The following KCNMA1 variants were observed in gnomAD, a reference collection of about 807,000 sequenced individuals.
KCNMA1 encodes potassium calcium-activated channel subfamily M alpha 1.
A neutral mutation model predicts 140.0 loss-of-function variants in KCNMA1; 29 were observed. That is an observed-to-expected ratio of 0.21 (90% confidence interval 0.15 to 0.28). KCNMA1 has a LOEUF of 0.28. KCNMA1 is among the 10% of genes least tolerant of loss of function. The pLI, the probability that KCNMA1 is intolerant of heterozygous loss-of-function variation, is 1.00. For missense variants in KCNMA1, 880 were observed against 1,602.2 expected (o/e 0.55, Z 7.70); for synonymous variants, 612 against 611.9 (o/e 1.00, Z 0.00).
chr10:77,577,826 G>T (rs1400477969), intron 1 of KCNMA1, among the ~76,000 whole-genome samples: 1 of 152,112 alleles, frequency 6.6e-6, no homozygotes, highest in East Asian at 1.9e-4. Flanking sequence ...GTTCACATTG[G>T]CTTTGGTGCC....
chr10:77,180,122 T>C (rs2098791405), intron 5 of KCNMA1, among the ~76,000 whole-genome samples: 1 of 152,230 alleles, frequency 6.6e-6, no homozygotes, highest in Non-Finnish European at 1.5e-5. Flanking sequence ...GGAAAGTTTG[T>C]GCAGGAGAAT....
intron 16 of KCNMA1, among the ~76,000 whole-genome samples, chr10:77,024,164 T>C (rs1023586319): frequency 3.9e-5 from 6 of 152,080 alleles, no homozygotes; most frequent in Non-Finnish European, 8.8e-5. Context: ...CATGCCTACA[T>C]CACAACATGC....
At chr10:77,127,821 A>T (rs1224452036) in intron 5 of KCNMA1, among the ~76,000 whole-genome samples, 1 of 152,006 alleles carries the variant, frequency 6.6e-6, no homozygotes, top group Non-Finnish European at 1.5e-5. Flanking sequence ...AAAAATACAA[A>T]AAATTAACCA....
intron 9 of KCNMA1, chr10:77,091,447 C>T (rs973769601): frequency 1.3e-5 from 2 of 152,232 alleles, no homozygotes; most frequent in African/African-American, 4.8e-5. Context: ...GTCATGGCCA[C>T]TTATATGTGC....
intron 14 of KCNMA1, among the ~76,000 whole-genome samples, chr10:77,067,174 C>T (rs2095986425): frequency 6.6e-6 from 1 of 152,098 alleles, no homozygotes; most frequent in Non-Finnish European, 1.5e-5. Flanking sequence ...GCAGATTGCT[C>T]CCCCAACAAC....
intron 1 of KCNMA1, among the ~76,000 whole-genome samples, chr10:77,575,466 C>T (rs1048935404): frequency 2.6e-5 from 4 of 152,292 alleles, no homozygotes; most frequent in East Asian, 1.9e-4. Context: ...TCCTCCAAAA[C>T]GGGAATCTTG....
rs2097409525 is a variant in KCNMA1 at position 77,114,675 on chromosome 10, TC to T, written c.885-2234del. Among the ~76,000 whole-genome samples, 3 of 152,338 alleles carry T rather than the reference TC, an allele frequency of 2.0e-5. No individual in the cohort carries two copies. In the South Asian group the frequency reaches 6.2e-4, roughly 32 times the overall value. On this transcript the variant is annotated intron_variant, in intron 6 of 27. Coordinates refer to ENST00000286628, the MANE Select transcript of KCNMA1 (RefSeq NM_001161352.2). The stretch of plus-strand genomic sequence containing the variant: ...CTACTGCTTCCTTAAAGTCGTTCCA[TC>T]CATCTGCAAGACAAAGTGACTTTCC...
In KCNMA1 at chr10:76,944,950, G is replaced by A. The variant is rs1228444398; in HGVS notation, c.2725C>T (p.Arg909Trp). The A allele has an allele frequency of 1.2e-6, 2 of 1,613,634 alleles. No individual in the cohort carries two copies. The highest frequency in any genetic ancestry group is 1.1e-5 in the South Asian group (1 of 91,042). Reference sequence around the variant, plus strand: ...ATGTTGACAGCCCTTAAATCAGCCCGACTTAATGGCGTACCCTTTGGCATA... The same window carrying A: ...ATGTTGACAGCCCTTAAATCAGCCCAACTTAATGGCGTACCCTTTGGCATA... ...VSILPGTPLS[R>W]ADLRAVNINL... is the part of the protein sequence containing the mutation. The change falls in exon 23 of 28, where the codon CGG (arginine) becomes TGG (tryptophan). Residue 909 changes from arginine to tryptophan, a missense_variant. Around this residue, in one of 13 missense-constraint regions of KCNMA1, gnomAD observed 82 missense variants for 170.1 expected, o/e 0.48. Transcript: ENST00000286628.
intron 2 of KCNMA1, among the ~76,000 whole-genome samples, chr10:77,387,922 G>T (rs892780182): frequency 3.3e-5 from 5 of 152,132 alleles, no homozygotes; most frequent in African/African-American, 1.2e-4. Context: ...CCAGCCCTCG[G>T]AATTCTTTAG....
chr10:76,884,872 C>G, downstream of KCNMA1: 1 of 1,360,614 alleles, frequency 7.3e-7, no homozygotes, highest in Non-Finnish European at 9.6e-7. Flanking sequence ...AAACCAATAA[C>G]AGAATAAAAT....
intron 23 of KCNMA1, among the ~76,000 whole-genome samples, chr10:76,921,335 C>T (rs2055681322): frequency 2.0e-5 from 3 of 152,052 alleles, no homozygotes; most frequent in African/African-American, 7.2e-5. Flanking sequence ...AGAAACATCT[C>T]ATATTACATC....
At chr10:77,047,178 T>C (rs1361314603) in intron 14 of KCNMA1, among the ~76,000 whole-genome samples, 1 of 152,218 alleles carries the variant, frequency 6.6e-6, no homozygotes, top group Non-Finnish European at 1.5e-5. Context: ...TAAAACAATT[T>C]TGGGGGGATT....
chr10:77,041,826 T>C (rs938483744), intron 14 of KCNMA1, among the ~76,000 whole-genome samples: 6 of 152,156 alleles, frequency 3.9e-5, no homozygotes, highest in African/African-American at 7.2e-5. Context: ...CTTGTGCTTA[T>C]CTTGTATTAA....
chr10:77,624,549 C>T (rs561023129), intron 1 of KCNMA1, among the ~76,000 whole-genome samples: 1 of 152,242 alleles, frequency 6.6e-6, no homozygotes, highest in Admixed American at 6.5e-5. Flanking sequence ...TATAGTAGAA[C>T]AAGAACTTCT....
chr10:76,920,020 G>GTATGTATATATATATATA (rs2054872016), intron 23 of KCNMA1, among the ~76,000 whole-genome samples: 3 of 34,408 alleles, frequency 8.7e-5, no homozygotes, highest in Admixed American at 8.5e-4. Context: ...GTGTGTGTGT[G>GTATGTATATATATATATA]TATATATATA....
chr10:77,637,081 G>T, intron 1 of KCNMA1, 184 bp downstream of exon 1: 1 of 1,336,208 alleles, frequency 7.5e-7, no homozygotes, highest in Non-Finnish European at 9.8e-7. Context: ...CCTCACCCCC[G>T]GCGCGCCGCC....
intron 3 of KCNMA1, among the ~76,000 whole-genome samples, chr10:77,199,013 T>C (rs10762751): frequency 0.42 from 64,253 of 151,976 alleles, 15,123 homozygotes; most frequent in African/African-American, 0.64. Context: ...GACCTTAACA[T>C]ACCCACTGAA....
At chr10:77,106,745 T>C (rs928855248) in intron 9 of KCNMA1, among the ~76,000 whole-genome samples, 7 of 152,142 alleles carry the variant, frequency 4.6e-5, no homozygotes, top group Admixed American at 4.6e-4. Context: ...CAAAATGAAT[T>C]GAGATGCTGT....
intron 2 of KCNMA1, among the ~76,000 whole-genome samples, chr10:77,273,972 C>T (rs1303679858): frequency 3.9e-5 from 6 of 152,146 alleles, no homozygotes; most frequent in Non-Finnish European, 7.3e-5. Flanking sequence ...GGAAAGGAGG[C>T]ATTCATGTTT....
Sources: allele counts gnomAD v4.1 joint callset (sites outside exome capture counted in the v4.1 genomes callset), GRCh38; gene constraint gnomAD v4.1.1; regional missense constraint gnomAD v4.1.1; transcripts MANE v1.5; gene names NCBI Gene and HGNC (gene_info 2026-07-23, HGNC 2026-07-21).